Variants in SLC35F4 observed in about 807,000 individuals in gnomAD.
SLC35F4 encodes solute carrier family 35 member F4, also known as chromosome 14 open reading frame 36.
In SLC35F4, 24 loss-of-function variants were observed where a neutral mutation model predicts 44.2. The ratio of observed to expected loss-of-function variants is 0.54; its 90% CI spans 0.39 to 0.76. The LOEUF (loss-of-function observed/expected upper bound fraction) is 0.76. SLC35F4 is among the 30% of genes least tolerant of loss of function. SLC35F4 has a pLI of 0.00. For synonymous variants in SLC35F4, 238 were observed against 223.6 expected (o/e 1.06, Z -0.57); for missense variants, 562 against 586.1 (o/e 0.96, Z 0.42).
intron 3 of SLC35F4, among the ~76,000 whole-genome samples, chr14:57,588,361 T>A (rs1046082062): frequency 3.3e-5 from 5 of 152,078 alleles, no homozygotes; most frequent in African/African-American, 7.2e-5. Context: ...GTCCCTATTT[T>A]TTTTTCTCCT....
chr14:57,678,904 T>G (rs778322880), intron 1 of SLC35F4, among the ~76,000 whole-genome samples: 1 of 152,028 alleles, frequency 6.6e-6, no homozygotes, highest in East Asian at 1.9e-4. Context: ...CAAAGAGACT[T>G]AGACTCCCAC....
intron 1 of SLC35F4, among the ~76,000 whole-genome samples, chr14:57,948,802 T>C (rs1890083259): frequency 6.6e-6 from 1 of 152,188 alleles, no homozygotes; most frequent in South Asian, 2.1e-4. Context: ...CCAAATATCA[T>C]TCAAGAGCAA....
At chr14:57,963,217 T>A (rs967718356) in intron 1 of SLC35F4, among the ~76,000 whole-genome samples, 2 of 152,148 alleles carry the variant, frequency 1.3e-5, no homozygotes, top group Non-Finnish European at 2.9e-5. Flanking sequence ...AACCCTTCTA[T>A]GGGAATGGTG....
chr14:57,683,868 G>A (rs930806963), intron 1 of SLC35F4, among the ~76,000 whole-genome samples: 1 of 152,078 alleles, frequency 6.6e-6, no homozygotes, highest in African/African-American at 2.4e-5. Flanking sequence ...CTCCTCTGGG[G>A]TTGGGGTGGG....
chr14:57,941,721 C>G (rs1419632140), intron 1 of SLC35F4, among the ~76,000 whole-genome samples: 2 of 151,914 alleles, frequency 1.3e-5, no homozygotes, highest in Admixed American at 6.6e-5. Context: ...AAAAAAAAAG[C>G]TTATGACCAT....
At chr14:57,823,347 T>A (rs1333795350) in intron 1 of SLC35F4, among the ~76,000 whole-genome samples, 2 of 152,192 alleles carry the variant, frequency 1.3e-5, no homozygotes, top group African/African-American at 4.8e-5. Flanking sequence ...ACCTACCCTG[T>A]CCTCATAGAT....
At chr14:57,841,315 T>C (rs1007976800) in intron 1 of SLC35F4, among the ~76,000 whole-genome samples, 5 of 152,120 alleles carry the variant, frequency 3.3e-5, no homozygotes, top group Non-Finnish European at 7.4e-5. Context: ...CAAAAGGGGT[T>C]TGGATTCATC....
intron 1 of SLC35F4, among the ~76,000 whole-genome samples, chr14:57,879,048 A>G (rs1409906365): frequency 6.6e-6 from 1 of 152,116 alleles, no homozygotes; most frequent in Non-Finnish European, 1.5e-5. Context: ...TCCTCAGAAA[A>G]CAAGTCATGA....
chr14:57,901,375 A>G (rs1226356508), intron 1 of SLC35F4, among the ~76,000 whole-genome samples: 1 of 152,224 alleles, frequency 6.6e-6, no homozygotes, highest in Admixed American at 6.5e-5. Context: ...TTGCAGAGAC[A>G]TGGATGGAGC....
chr14:57,714,426 G>A (rs116038277), intron 1 of SLC35F4, among the ~76,000 whole-genome samples: 1 of 151,940 alleles, frequency 6.6e-6, no homozygotes, highest in African/African-American at 2.4e-5. Flanking sequence ...TTAAACTTAG[G>A]AATTCTGTGA....
intron 1 of SLC35F4, among the ~76,000 whole-genome samples, chr14:57,928,905 A>G (rs1268220896): frequency 6.6e-6 from 1 of 152,230 alleles, no homozygotes; most frequent in Non-Finnish European, 1.5e-5. Flanking sequence ...AATAACCACA[A>G]AAGCTCCGTG....
chr14:57,902,145 T>C (rs973119669), intron 1 of SLC35F4, among the ~76,000 whole-genome samples: 10 of 152,210 alleles, frequency 6.6e-5, no homozygotes, highest in African/African-American at 2.4e-5. Flanking sequence ...TGCCATCCAA[T>C]ACTTCTTTAC....
At chr14:57,664,273 A>G (rs1438136294) in intron 1 of SLC35F4, among the ~76,000 whole-genome samples, 1 of 152,098 alleles carries the variant, frequency 6.6e-6, no homozygotes, top group Admixed American at 6.6e-5. Flanking sequence ...CCAAACTATT[A>G]TCTTCTCTTT....
intron 1 of SLC35F4, among the ~76,000 whole-genome samples, chr14:57,672,563 A>T (rs1240171573): frequency 6.6e-6 from 1 of 152,138 alleles, no homozygotes; most frequent in Admixed American, 6.5e-5. Flanking sequence ...GTCAGTATTA[A>T]TACTACCGCT....
chr14:57,853,170 T>C (rs1886741519), intron 1 of SLC35F4, among the ~76,000 whole-genome samples: 1 of 152,198 alleles, frequency 6.6e-6, no homozygotes, highest in African/African-American at 2.4e-5. Context: ...GCTTAACAAG[T>C]AGTCTGCAGT....
chr14:57,682,186 A>T (rs2074926693), intron 1 of SLC35F4, among the ~76,000 whole-genome samples: 1 of 152,248 alleles, frequency 6.6e-6, no homozygotes, highest in Non-Finnish European at 1.5e-5. Context: ...CTATAAAGAC[A>T]CATGAACACG....
intron 1 of SLC35F4, among the ~76,000 whole-genome samples, chr14:57,936,500 G>A (rs1889799392): frequency 6.6e-6 from 1 of 152,190 alleles, no homozygotes; most frequent in Admixed American, 6.5e-5. Flanking sequence ...CAGATTTTGA[G>A]ATTTTGAGTC....
rs796299247 is a variant in SLC35F4 at position 57,809,287 on chromosome 14, C to T, written c.103+56436G>A. Among the ~76,000 whole-genome samples the T allele has an allele frequency of 1.4e-4, 21 of 152,278 alleles. 1 individual carries two copies. Among genetic ancestry groups the T allele is most frequent in the African/African-American group, 3.6e-4 (15 of 41,562 alleles). ...CTCCCTCCCCCATTTCATTTGCCTC[C>T]TAGTCACACAGCTAGGATACATTTC... On this transcript the variant is annotated intron_variant, in intron 1 of 7. Coordinates refer to ENST00000556826, the MANE Select transcript of SLC35F4 (RefSeq NM_001306087.2).
chr14:57,869,604 G>A (rs1162347072), upstream of SLC35F4, among the ~76,000 whole-genome samples: 2 of 152,054 alleles, frequency 1.3e-5, no homozygotes, highest in East Asian at 1.9e-4. Flanking sequence ...TATCTCCTTG[G>A]GCTAAAAGTA....
Sources: allele counts gnomAD v4.1 joint callset (sites outside exome capture counted in the v4.1 genomes callset), GRCh38; gene constraint gnomAD v4.1.1; transcripts MANE v1.5; gene names NCBI Gene and HGNC (gene_info 2026-07-23, HGNC 2026-07-21).